RBM25: variants seen among roughly 807,000 people sequenced by gnomAD.
RBM25 encodes RNA binding motif protein 25, also known as RNA-binding protein 25.
RBM25 carries 19 observed loss-of-function variants against 120.7 expected under a neutral mutation model. The observed-to-expected ratio is 0.16, with a 90% CI of 0.11 to 0.23. The LOEUF is 0.23. Ranked by LOEUF, RBM25 falls within the 10% of genes least tolerant of loss-of-function variation. RBM25 has a pLI of 1.00. For synonymous variants in RBM25, 390 were observed against 326.7 expected (o/e 1.19, Z -2.09); for missense variants, 605 against 1,041.5 (o/e 0.58, Z 5.77).
intron 4 of RBM25, among the ~76,000 whole-genome samples, chr14:73,081,239 G>C (rs185958241): frequency 2.3e-3 from 351 of 152,272 alleles, no homozygotes; most frequent in African/African-American, 8.1e-3. Flanking sequence ...TCCCGGGTCA[G>C]TGATTCTTCT....
Position 73,112,178 on chromosome 14 carries a change from A to G in RBM25, c.2319A>G (p.Pro773=), listed in dbSNP as rs1896323018. 1.2e-6 allele frequency: 2 copies of G among 1,606,336 alleles called. No homozygotes were observed. The highest frequency in any genetic ancestry group is 2.2e-5 in the East Asian group (1 of 44,588). ...TACTGATGGAACGTCGAATTAGACC[A>G]TGGATTAATAAGAAAATCATAGAAT... is the stretch of plus-strand genomic sequence containing the variant. ...DSILMERRIR[P]WINKKIIEYI... is the part of the protein sequence containing the mutation. The change falls in exon 17 of 19, where the codon CCA becomes CCG. Residue 773 remains proline, a synonymous_variant. Coordinates refer to ENST00000261973, the MANE Select transcript of RBM25 (RefSeq NM_021239.3).
chr14:73,084,581 T>C (rs778950280), intron 5 of RBM25, among the ~76,000 whole-genome samples: 1 of 152,020 alleles, frequency 6.6e-6, no homozygotes, highest in Non-Finnish European at 1.5e-5. Flanking sequence ...TGGAGGAGTT[T>C]CGCTCTTCTT....
intron 14 of RBM25, among the ~76,000 whole-genome samples, chr14:73,110,060 T>A (rs1863399992): frequency 6.6e-6 from 1 of 151,730 alleles, no homozygotes; most frequent in South Asian, 2.1e-4. Flanking sequence ...AATTTTTGTA[T>A]TTTTAGTGGC....
chr14:73,060,556 T>A (rs1056454449), intron 1 of RBM25, among the ~76,000 whole-genome samples: 2 of 151,534 alleles, frequency 1.3e-5, no homozygotes, highest in Non-Finnish European at 3.0e-5. Flanking sequence ...AAACAGTCTG[T>A]ATTTTAGAGA....
At chr14:73,076,288 T>G (rs772411821) in intron 2 of RBM25, 31 bp from the exon 3 acceptor site, 11 of 1,573,648 alleles carry the variant, frequency 7.0e-6, no homozygotes, top group South Asian at 5.5e-5. Flanking sequence ...AATGCAGTCA[T>G]GTAAAATCAG....
intron 13 of RBM25, among the ~76,000 whole-genome samples, chr14:73,108,830 G>A (rs1437507949): frequency 6.6e-6 from 1 of 152,218 alleles, no homozygotes; most frequent in Admixed American, 6.5e-5. Flanking sequence ...GAAGCATAAA[G>A]TGGCAATGTA....
At chr14:73,089,462 C>G (rs1200782116) in intron 6 of RBM25, among the ~76,000 whole-genome samples, 1 of 151,832 alleles carries the variant, frequency 6.6e-6, no homozygotes, top group Non-Finnish European at 1.5e-5. Flanking sequence ...TCAGGTGATT[C>G]TCCTGCCTCA....
chr14:73,075,485 C>T (rs78995437), intron 2 of RBM25, among the ~76,000 whole-genome samples: 3,437 of 151,902 alleles, frequency 0.023, 132 homozygotes, highest in African/African-American at 0.076. Context: ...TGCGAAAGAG[C>T]CAGGAATAAC....
chr14:73,103,930 TCTCTCTCTCTCTCTCTCTCACA>T lies in RBM25; in HGVS notation c.1154+454_1154+475del, dbSNP rs1449032582. ...GTCTCTCTCTCTCTCTCTCTCTCTC[TCTCTCTCTCTCTCTCTCTCACA>T]CACACACACACACACACACACACAC... On this transcript the variant is annotated intron_variant, in intron 10 of 18. Coordinates refer to ENST00000261973, the MANE Select transcript of RBM25 (RefSeq NM_021239.3). Among the ~76,000 whole-genome samples the T allele has an allele frequency of 2.0e-3, 156 of 77,470 alleles. 1 individual carries two copies. The highest frequency in any genetic ancestry group is 7.4e-3 in the African/African-American group (118 of 15,988). 50.8% of individuals were successfully genotyped at this position (77,470 alleles called of 152,430 possible).
chr14:73,078,289 C>T (rs549261708), intron 4 of RBM25, among the ~76,000 whole-genome samples: 29 of 151,306 alleles, frequency 1.9e-4, no homozygotes, highest in Admixed American at 5.3e-4. Context: ...GGCGACAGAG[C>T]GAGACTCCAT....
chr14:73,086,047 A>G (rs998555297), intron 5 of RBM25, among the ~76,000 whole-genome samples: 5 of 151,788 alleles, frequency 3.3e-5, no homozygotes, highest in African/African-American at 4.8e-5. Context: ...AATTTGTTCT[A>G]AGGTCATCTA....
At chr14:73,111,837 G>T in intron 16 of RBM25, 35 bp downstream of exon 16, 1 of 1,533,026 alleles carries the variant, frequency 6.5e-7, no homozygotes. Flanking sequence ...ATATTATTGG[G>T]AACAGTTGGA....
At chr14:73,104,650 A>G (rs1225742460) in intron 10 of RBM25, among the ~76,000 whole-genome samples, 1 of 152,154 alleles carries the variant, frequency 6.6e-6, no homozygotes, top group Non-Finnish European at 1.5e-5. Context: ...TACAGGCGTG[A>G]GCCACCATGC....
At chr14:73,091,469 C>T (rs1254818641) in intron 6 of RBM25, among the ~76,000 whole-genome samples, 3 of 152,184 alleles carry the variant, frequency 2.0e-5, no homozygotes, top group African/African-American at 7.2e-5. Flanking sequence ...CTACTTCAGC[C>T]TTCCAAAGTG....
intron 18 of RBM25, among the ~76,000 whole-genome samples, chr14:73,117,379 C>T (rs1896457969): frequency 6.6e-6 from 1 of 150,986 alleles, no homozygotes; most frequent in Non-Finnish European, 1.5e-5. Flanking sequence ...TTACAGGTGC[C>T]CACCCGCACG....
chr14:73,111,176 T>G (rs1184824510), intron 15 of RBM25, 21 bp downstream of exon 15: 1 of 1,556,208 alleles, frequency 6.4e-7, no homozygotes, highest in Non-Finnish European at 8.8e-7. Flanking sequence ...ATTTCCTTCC[T>G]TCTTTATTTT....
At chr14:73,118,893 C>G (rs544520146) in intron 18 of RBM25, among the ~76,000 whole-genome samples, 1 of 150,952 alleles carries the variant, frequency 6.6e-6, no homozygotes, top group Non-Finnish European at 1.5e-5. Flanking sequence ...CTCAGCCTCC[C>G]GAGTAGCTGG....
chr14:73,069,522 C>T (rs1413711777), intron 1 of RBM25, among the ~76,000 whole-genome samples: 1 of 151,764 alleles, frequency 6.6e-6, no homozygotes, highest in Non-Finnish European at 1.5e-5. Context: ...CAATCTCCAC[C>T]TCCCTGGTTC....
intron 4 of RBM25, among the ~76,000 whole-genome samples, chr14:73,079,443 G>A (rs955639025): frequency 5.3e-5 from 8 of 150,410 alleles, no homozygotes; most frequent in African/African-American, 1.9e-4. Context: ...AAAGGAGTTT[G>A]GAAGAATGAC....
Sources: allele counts gnomAD v4.1 joint callset (sites outside exome capture counted in the v4.1 genomes callset), GRCh38; gene constraint gnomAD v4.1.1; transcripts MANE v1.5; gene names NCBI Gene and HGNC (gene_info 2026-07-23, HGNC 2026-07-21).